The following BLK variants were observed in gnomAD, a reference collection of about 807,000 sequenced individuals.
BLK encodes BLK proto-oncogene, Src family tyrosine kinase.
A neutral mutation model predicts 61.8 loss-of-function variants in BLK; 64 were observed. That is an observed-to-expected ratio of 1.03 (90% CI 0.85 to 1.27). BLK has a LOEUF of 1.27. Among genes scored for constraint, BLK ranks in the 50% most tolerant of loss-of-function variants. The pLI, the probability that BLK is intolerant of heterozygous loss-of-function variation, is 0.00. For missense variants in BLK, 853 were observed against 660.5 expected, an observed-to-expected ratio of 1.29 and a Z score of -3.19; for synonymous variants, 351 against 272.0, an observed-to-expected ratio of 1.29 and a Z score of -2.86.
At chr8:11,520,507 G>GAAAA (rs1799405512) in intron 1 of BLK, among the ~76,000 whole-genome samples, 1 of 118,266 alleles carries the variant, frequency 8.5e-6, no homozygotes. Flanking sequence ...AAAAAAGGAA[G>GAAAA]AAAGAAAAAG....
intron 1 of BLK, among the ~76,000 whole-genome samples, chr8:11,515,910 A>G (rs1397075958): frequency 6.6e-6 from 1 of 152,220 alleles, no homozygotes; most frequent in East Asian, 1.9e-4. Flanking sequence ...GAGAATACCC[A>G]GGGGCATTGC....
chr8:11,558,868 C>G (rs1333206156), intron 10 of BLK: 1 of 456,122 alleles, frequency 2.2e-6, no homozygotes, highest in South Asian at 1.5e-5. Context: ...CTCCCACCCA[C>G]CGCCCACATC....
intron 1 of BLK, among the ~76,000 whole-genome samples, chr8:11,532,897 T>C (rs1453838325): frequency 1.3e-5 from 2 of 152,218 alleles, no homozygotes; most frequent in Admixed American, 6.5e-5. Context: ...GTGGATAAAA[T>C]TGGTTTTTGA....
intron 1 of BLK, among the ~76,000 whole-genome samples, chr8:11,518,324 G>A (rs577254083): frequency 5.9e-5 from 9 of 152,304 alleles, no homozygotes; most frequent in Non-Finnish European, 1.0e-4. Flanking sequence ...ACGCACTTTC[G>A]TGTGAGTTTT....
rs746294075 is a variant in BLK at position 11,548,127 on chromosome 8, T to A, written c.269+2T>A. ...GGAGAAGCTACAGGTCCTGAAGGGG[T>A]GAGGTTCCAGGACACCATCCCCTGT... On this transcript the variant is annotated splice_donor_variant, in intron 4 of 12. Transcript: ENST00000259089. LOFTEE classifies it high-confidence loss of function. The A allele has an allele frequency of 1.7e-5, 27 of 1,611,486 alleles. No individual in the cohort carries two copies. The highest frequency in any genetic ancestry group is 2.1e-5 in the Non-Finnish European group (25 of 1,178,896).
chr8:11,521,798 G>C (rs539855041), intron 1 of BLK, among the ~76,000 whole-genome samples: 5 of 152,222 alleles, frequency 3.3e-5, no homozygotes, highest in Admixed American at 6.5e-5. Flanking sequence ...TACACTCCCT[G>C]GTCCGTTCCA....
intron 5 of BLK, 117 bp from the exon 6 acceptor site, chr8:11,550,042 G>T (rs893499983): frequency 9.6e-6 from 9 of 938,784 alleles, no homozygotes; most frequent in Middle Eastern, 2.8e-4. Flanking sequence ...GGCCGACTGG[G>T]ACCAGAAATG....
At chr8:11,541,167 T>G (rs1370984452) in intron 1 of BLK, among the ~76,000 whole-genome samples, 3 of 70,194 alleles carry the variant, frequency 4.3e-5, no homozygotes, top group Non-Finnish European at 8.1e-5. Context: ...CTCGAGAGGC[T>G]GAGGTGGGAG....
chr8:11,562,016 A>G (rs1801522546), intron 11 of BLK, among the ~76,000 whole-genome samples: 1 of 152,022 alleles, frequency 6.6e-6, no homozygotes, highest in African/African-American at 2.4e-5. Flanking sequence ...ATGGGGTTTC[A>G]CCATGTTGGC....
At chr8:11,540,052 T>G (rs1800307799) in intron 1 of BLK, among the ~76,000 whole-genome samples, 1 of 151,550 alleles carries the variant, frequency 6.6e-6, no homozygotes, top group African/African-American at 2.4e-5. Context: ...TTTATGAATT[T>G]GTACTTTTTT....
chr8:11,530,641 G>A (rs1799847223), intron 1 of BLK, among the ~76,000 whole-genome samples: 1 of 150,222 alleles, frequency 6.7e-6, no homozygotes, highest in South Asian at 2.2e-4. Flanking sequence ...TTTGTTTACA[G>A]GAGTATATTT....
chr8:11,508,084 G>T (rs1228904662), intron 1 of BLK, among the ~76,000 whole-genome samples: 3 of 152,186 alleles, frequency 2.0e-5, no homozygotes, highest in Non-Finnish European at 2.9e-5. Context: ...ATGTCATCAG[G>T]AACCTGCCCA....
chr8:11,511,020 A>G (rs1798982754), intron 1 of BLK, among the ~76,000 whole-genome samples: 2 of 152,314 alleles, frequency 1.3e-5, no homozygotes, highest in South Asian at 4.2e-4. Flanking sequence ...TCAGACTGAC[A>G]CACAAATATT....
intron 1 of BLK, among the ~76,000 whole-genome samples, chr8:11,532,274 A>C (rs2729935): frequency 0.58 from 87,744 of 151,458 alleles, 26,239 homozygotes; most frequent in Non-Finnish European, 0.65. Flanking sequence ...TCTTGGCTCA[A>C]AGCAACCTCT....
Position 11,543,347 on chromosome 8 carries a change from G to A in BLK, c.123G>A (p.Leu41=). 6.2e-7 allele frequency: 1 copy of A among 1,612,840 alleles called. No individual in the cohort carries two copies. The highest frequency in any genetic ancestry group is 8.5e-7 in the Non-Finnish European group (1 of 1,180,010). ...AGGACGCCCCGCCACTGCCGCCCCT[G>A]GTGAGTGATTGCCCACCCCCACCAA... The part of the protein sequence containing the change: ...QDKDAPPLPP[L]VVFNHLTPPP... Residue 41 remains leucine (L), a splice_region_variant and synonymous_variant, in exon 2 of 13, where the codon CTG becomes CTA. Coordinates refer to ENST00000259089, the MANE Select transcript of BLK (RefSeq NM_001715.3).
At position 11,555,377 on chromosome 8, in the gene BLK, GC is replaced by G. The variant is rs761805613; in HGVS notation, c.668del (p.Pro223ArgfsTer42). 6.2e-7 allele frequency: 1 copy of G among 1,614,128 alleles called. No individual in the cohort carries two copies. Among genetic ancestry groups the G allele is most frequent in the Non-Finnish European group, 8.5e-7 (1 of 1,180,012 alleles). ...CAGAGGCTGACCCTGCCCTGTGTGC[GC>G]CCGGCCCCGCAGAATCCCTGGGCCC... ...LCQRLTLPCV[R>X]PAPQNPWAQD... On this transcript the variant is annotated frameshift_variant, in exon 8 of 13. Coordinates refer to ENST00000259089, the MANE Select transcript of BLK (RefSeq NM_001715.3). LOFTEE classifies it high-confidence loss of function.
At chr8:11,497,089 C>A (rs28443174) in intron 1 of BLK, among the ~76,000 whole-genome samples, 1 of 152,088 alleles carries the variant, frequency 6.6e-6, no homozygotes, top group African/African-American at 2.4e-5. Context: ...GGTGATGCTG[C>A]GCCTGATTAG....
chr8:11,548,208 A>G (rs1367537085), intron 4 of BLK, 83 bp downstream of exon 4: 1 of 1,202,084 alleles, frequency 8.3e-7, no homozygotes, highest in Non-Finnish European at 1.2e-6. Flanking sequence ...CACATCCTCC[A>G]TGGCTGACCC....
At chr8:11,521,909 C>G (rs979557929) in intron 1 of BLK, among the ~76,000 whole-genome samples, 6 of 152,076 alleles carry the variant, frequency 3.9e-5, no homozygotes, top group Non-Finnish European at 7.4e-5. Context: ...TATTTTTGAG[C>G]CTTTTCTTAT....
Sources: gnomAD v4.1 joint callset for allele counts (sites outside exome capture counted in the v4.1 genomes callset) on GRCh38, gnomAD v4.1.1 for gene constraint, MANE v1.5 for transcripts, NCBI Gene and HGNC (gene_info 2026-07-23, HGNC 2026-07-21) for gene names.